Variants in TLK1 observed in about 807,000 individuals in gnomAD.
TLK1 encodes tousled like kinase 1, also known as serine/threonine-protein kinase tousled-like 1.
TLK1 carries 24 observed loss-of-function variants against 105.3 expected under a neutral mutation model. The observed-to-expected ratio is 0.23, with a 90% CI of 0.17 to 0.32. TLK1 has a LOEUF of 0.32. Ranked by LOEUF, TLK1 falls within the 10% of genes least tolerant of loss-of-function variation. The pLI, the probability that TLK1 is intolerant of heterozygous loss-of-function variation, is 1.00. For synonymous variants in TLK1, 321 were observed against 310.4 expected, an observed-to-expected ratio of 1.03 and a Z score of -0.36; for missense variants, 558 against 910.5, an observed-to-expected ratio of 0.61 and a Z score of 4.98.
rs1448587759 is a variant in TLK1, at chr2:170,993,303, G to A, written c.*477C>T. On this transcript the variant is annotated 3_prime_UTR_variant, in exon 21 of 21. Coordinates refer to ENST00000431350, the MANE Select transcript of TLK1 (RefSeq NM_012290.5). ...TTCAGTTCTTACTTTGGTTTCAGCAGATTAACTGCCAAATGCTGAAGAATG... is the reference window on the plus strand; with the variant it reads ...TTCAGTTCTTACTTTGGTTTCAGCAAATTAACTGCCAAATGCTGAAGAATG... 1 of 152,784 alleles carries A rather than the reference G, an allele frequency of 6.5e-6. No individual in the cohort carries two copies. Among genetic ancestry groups the A allele is most frequent in the East Asian group, 1.9e-4 (1 of 5,190 alleles). 9.5% of individuals were successfully genotyped at this position (152,784 alleles called of 1,614,324 possible). A position where few individuals can be genotyped will look rare whatever the true frequency, so the allele number is the denominator to read the frequency against.
At chr2:171,062,421 T>G (rs1687797462) in intron 3 of TLK1, among the ~76,000 whole-genome samples, 1 of 152,238 alleles carries the variant, frequency 6.6e-6, no homozygotes, top group Non-Finnish European at 1.5e-5. Flanking sequence ...TAATTCTTAT[T>G]GAACACATAT....
rs529130892 is a variant in TLK1, at chr2:170,991,966, T to C, written c.*1814A>G. On this transcript the variant is annotated 3_prime_UTR_variant, in exon 21 of 21. Transcript: ENST00000431350. ...GGGTATAGCCAGCCCCTTAAACCAC[T>C]CTTGATGGTTCTAAGTGTTACTTAC... 1 of 152,222 alleles carries C rather than the reference T, an allele frequency of 6.6e-6. No homozygotes were observed. Among genetic ancestry groups the C allele is most frequent in the East Asian group, 1.9e-4 (1 of 5,180 alleles). The allele number at this position is 152,222 out of a possible 1,614,324, so 9.4% of individuals were successfully genotyped here. A position where few individuals can be genotyped will look rare whatever the true frequency, so the allele number is the denominator to read the frequency against.
At chr2:171,061,472 G>GA (rs902033055) in intron 3 of TLK1, among the ~76,000 whole-genome samples, 30 of 152,010 alleles carry the variant, frequency 2.0e-4, no homozygotes, top group African/African-American at 7.2e-4. Context: ...GGATGAGGGG[G>GA]AAAAAAATCA....
chr2:171,112,089 C>A (rs1690201626), intron 2 of TLK1, among the ~76,000 whole-genome samples: 1 of 152,090 alleles, frequency 6.6e-6, no homozygotes. Context: ...GTAGCTGGGA[C>A]TATAGGCAAA....
intron 1 of TLK1, among the ~76,000 whole-genome samples, chr2:171,201,954 T>C (rs1306715403): frequency 2.0e-5 from 3 of 150,950 alleles, no homozygotes; most frequent in African/African-American, 7.3e-5. Context: ...TCATCAATCA[T>C]ATCTATTATC....
intron 20 of TLK1, among the ~76,000 whole-genome samples, chr2:170,996,062 G>A (rs1031316768): frequency 3.3e-5 from 5 of 151,480 alleles, no homozygotes; most frequent in Non-Finnish European, 7.4e-5. Context: ...CAGCGGTATC[G>A]TCATGGCTCA....
At chr2:170,998,089 TCTACCTACCTACCTAC>T (rs67664818) in intron 18 of TLK1, among the ~76,000 whole-genome samples, 104 of 101,718 alleles carry the variant, frequency 1.0e-3, no homozygotes, top group Non-Finnish European at 1.7e-3. Context: ...TATCTATCTA[TCTACCTACCTACCTAC>T]CTACCACCTA....
chr2:171,039,084 TTTG>T (rs1686522975), intron 11 of TLK1, among the ~76,000 whole-genome samples: 2 of 152,202 alleles, frequency 1.3e-5, no homozygotes, highest in Non-Finnish European at 2.9e-5. Context: ...AATAATTTTT[TTTG>T]TCTTAAATTT....
intron 11 of TLK1, among the ~76,000 whole-genome samples, chr2:171,035,620 G>C (rs1296985432): frequency 6.6e-6 from 1 of 152,114 alleles, no homozygotes; most frequent in Non-Finnish European, 1.5e-5. Context: ...TAATCCTTGA[G>C]ACATGTCAAT....
intron 11 of TLK1, among the ~76,000 whole-genome samples, chr2:171,028,839 T>C (rs1027342860): frequency 3.3e-5 from 5 of 152,086 alleles, no homozygotes; most frequent in Admixed American, 1.3e-4. Context: ...AAAAACCACG[T>C]GATGAAATAA....
intron 2 of TLK1, among the ~76,000 whole-genome samples, chr2:171,092,942 G>A (rs1314624101): frequency 6.6e-6 from 1 of 152,096 alleles, no homozygotes; most frequent in Non-Finnish European, 1.5e-5. Flanking sequence ...AGAGCTTGCT[G>A]ATACTGGGCA....
intron 12 of TLK1, among the ~76,000 whole-genome samples, chr2:171,023,384 C>T (rs1333401605): frequency 6.6e-6 from 1 of 151,242 alleles, no homozygotes; most frequent in African/African-American, 2.4e-5. Context: ...CACTTATATT[C>T]AGGGCTCATA....
At chr2:171,010,084 G>A (rs766078139) in intron 14 of TLK1, among the ~76,000 whole-genome samples, 14 of 152,244 alleles carry the variant, frequency 9.2e-5, no homozygotes, top group Non-Finnish European at 1.3e-4. Context: ...CTTGAGAAAA[G>A]CAATGCCCAA....
rs113840088 is a variant in TLK1 at position 171,028,796 on chromosome 2, G to A, written c.1170-391C>T. On this transcript the variant is annotated intron_variant, in intron 11 of 20. Transcript: ENST00000431350. ...TTTCTCCTTACATATTAGTTTGAGC[G>A]TACACTCTATAGTGGAAGTAAGCAA... 8.3e-3 allele frequency among the ~76,000 whole-genome samples: 1,269 copies of A among 152,230 alleles called. 21 individuals carry two copies. The highest frequency in any genetic ancestry group is 0.028 in the African/African-American group (1,160 of 41,550).
At chr2:171,099,632 G>A (rs1278328336) in intron 2 of TLK1, among the ~76,000 whole-genome samples, 1 of 152,198 alleles carries the variant, frequency 6.6e-6, no homozygotes, top group Non-Finnish European at 1.5e-5. Context: ...AACCAACACA[G>A]TGTGGTATGG....
chr2:171,037,055 C>T (rs1356580289), intron 11 of TLK1, among the ~76,000 whole-genome samples: 1 of 152,008 alleles, frequency 6.6e-6, no homozygotes, highest in African/African-American at 2.4e-5. Context: ...ATTCTATCTG[C>T]AGGAAACTAG....
chr2:171,148,911 A>G lies in TLK1; in HGVS notation c.139+11379T>C, dbSNP rs779009799. 9.7e-3 allele frequency among the ~76,000 whole-genome samples: 1,295 copies of G among 134,172 alleles called. 12 individuals are homozygous for G. Among genetic ancestry groups the G allele is most frequent in the South Asian group, 0.027 (111 of 4,090 alleles). The allele number at this position is 134,172 out of a possible 152,430, so 88.0% of individuals were successfully genotyped here. Reference sequence around the variant, plus strand: ...AAAAAATATATATATATATATATATATGTGTGTGTGTGTGTGCGTGTGCGT... The same window carrying G: ...AAAAAATATATATATATATATATATGTGTGTGTGTGTGTGTGCGTGTGCGT... On this transcript the variant is annotated intron_variant, in intron 1 of 20. Transcript: ENST00000431350.
chr2:171,123,609 A>T (rs955089120), intron 1 of TLK1, among the ~76,000 whole-genome samples: 13 of 152,174 alleles, frequency 8.5e-5, no homozygotes, highest in Non-Finnish European at 8.8e-5. Context: ...AGAGTCCGAG[A>T]CCAGCCTGGG....
intron 1 of TLK1, among the ~76,000 whole-genome samples, chr2:171,210,490 T>G (rs1241205117): frequency 6.6e-6 from 1 of 151,706 alleles, no homozygotes; most frequent in Non-Finnish European, 1.5e-5. Flanking sequence ...TCTAGGCAAG[T>G]ATTTGCGAAA....
Sources: allele counts gnomAD v4.1 joint callset (sites outside exome capture counted in the v4.1 genomes callset), GRCh38; gene constraint gnomAD v4.1.1; transcripts MANE v1.5; gene names NCBI Gene and HGNC (gene_info 2026-07-23, HGNC 2026-07-21).